The following SCARA5 variants were observed in gnomAD, a reference collection of about 807,000 sequenced individuals.
The protein encoded by SCARA5 is scavenger receptor class A, member 5 (putative).
In SCARA5, 45 loss-of-function variants were observed where a neutral mutation model predicts 46.3. That is an observed-to-expected ratio of 0.97 (90% CI 0.76 to 1.24). SCARA5 has a LOEUF of 1.24. Ranked by LOEUF, SCARA5 falls within the 50% of genes most tolerant of loss-of-function variation. The probability of loss-of-function intolerance (pLI) is 0.00; values close to 1 mark genes in which losing one functional copy is unlikely to be tolerated. For synonymous variants in SCARA5, 333 were observed against 306.5 expected (o/e 1.09, Z -0.90); for missense variants, 680 against 689.0 (o/e 0.99, Z 0.15).
chr8:27,919,236 G>C (rs1807542087), intron 4 of SCARA5, among the ~76,000 whole-genome samples: 1 of 57,694 alleles, frequency 1.7e-5, no homozygotes, highest in Non-Finnish European at 3.7e-5. Flanking sequence ...GGAGGAGGAA[G>C]AGACGGAGGA....
intron 4 of SCARA5, among the ~76,000 whole-genome samples, chr8:27,914,967 G>T (rs1312033817): frequency 6.6e-6 from 1 of 152,160 alleles, no homozygotes; most frequent in African/African-American, 2.4e-5. Flanking sequence ...GGACCTGTGT[G>T]GGCTGGAATC....
chr8:27,886,418 C>A (rs147780455), intron 7 of SCARA5, among the ~76,000 whole-genome samples: 1 of 152,332 alleles, frequency 6.6e-6, no homozygotes, highest in East Asian at 1.9e-4. Flanking sequence ...CCTTTTCTCC[C>A]CACCCAACAA....
At chr8:27,873,463 C>CGG (rs1179554719) in intron 8 of SCARA5, among the ~76,000 whole-genome samples, 3 of 152,114 alleles carry the variant, frequency 2.0e-5, no homozygotes, top group African/African-American at 7.2e-5. Context: ...TAAAAATGGC[C>CGG]GGTTCCTGCC....
intron 3 of SCARA5, among the ~76,000 whole-genome samples, chr8:27,922,470 C>G (rs928691586): frequency 6.6e-6 from 1 of 152,114 alleles, no homozygotes; most frequent in African/African-American, 2.4e-5. Flanking sequence ...AGGTGTCTCA[C>G]CTGCAGAAAT....
intron 8 of SCARA5, among the ~76,000 whole-genome samples, chr8:27,872,790 T>C (rs1806660908): frequency 6.6e-6 from 1 of 152,116 alleles, no homozygotes. Flanking sequence ...TAAAGAAGAC[T>C]AACAAATAAA....
intron 6 of SCARA5, among the ~76,000 whole-genome samples, chr8:27,905,765 C>G (rs2129754825): frequency 7.0e-6 from 1 of 142,182 alleles, no homozygotes; most frequent in South Asian, 2.2e-4. Context: ...GGCGGGAGTG[C>G]AGTGGTGCAA....
intron 7 of SCARA5, chr8:27,904,546 T>G (rs538379182): frequency 1.5e-4 from 93 of 600,320 alleles, no homozygotes; most frequent in Middle Eastern, 1.3e-3. Flanking sequence ...TCCAGATCCA[T>G]GCACACAACC....
chr8:27,951,174 G>T (rs967706714), intron 3 of SCARA5, among the ~76,000 whole-genome samples: 1 of 152,194 alleles, frequency 6.6e-6, no homozygotes, highest in Non-Finnish European at 1.5e-5. Flanking sequence ...TAAAATTTAG[G>T]CTAGTGAATG....
chr8:27,901,648 A>G (rs1013602284), intron 7 of SCARA5, among the ~76,000 whole-genome samples: 1 of 152,208 alleles, frequency 6.6e-6, no homozygotes, highest in African/African-American at 2.4e-5. Flanking sequence ...TGTTGTGGTC[A>G]GAGCAAGCTG....
intron 2 of SCARA5, among the ~76,000 whole-genome samples, chr8:27,967,143 C>A (rs1465403394): frequency 1.3e-5 from 2 of 152,214 alleles, no homozygotes; most frequent in Non-Finnish European, 2.9e-5. Flanking sequence ...AAACAAAACA[C>A]ATCTGTAAGC....
intron 3 of SCARA5, among the ~76,000 whole-genome samples, chr8:27,955,273 C>A (rs983923730): frequency 1.3e-5 from 2 of 152,202 alleles, no homozygotes; most frequent in Non-Finnish European, 2.9e-5. Context: ...TCATGCACCT[C>A]TTCCAGGGTT....
intron 3 of SCARA5, among the ~76,000 whole-genome samples, chr8:27,927,362 C>A (rs1033207612): frequency 6.6e-6 from 1 of 152,196 alleles, no homozygotes; most frequent in Non-Finnish European, 1.5e-5. Context: ...CTGTTCATTG[C>A]ACAACAAATA....
intron 4 of SCARA5, among the ~76,000 whole-genome samples, chr8:27,916,465 G>A (rs999691274): frequency 4.6e-5 from 7 of 152,262 alleles, no homozygotes; most frequent in East Asian, 3.9e-4. Context: ...GCAGGTATGC[G>A]TATATGTGTG....
chr8:27,987,192 G>A (rs1808717910), intron 2 of SCARA5, among the ~76,000 whole-genome samples: 1 of 152,210 alleles, frequency 6.6e-6, no homozygotes, highest in African/African-American at 2.4e-5. Flanking sequence ...CCTGACCCGA[G>A]TCTCACTCTC....
chr8:27,944,521 CT>C (rs2129880392), intron 3 of SCARA5, among the ~76,000 whole-genome samples: 1 of 152,112 alleles, frequency 6.6e-6, no homozygotes, highest in South Asian at 2.1e-4. Context: ...GTATATAGCA[CT>C]CTTTATAGCT....
intron 7 of SCARA5, among the ~76,000 whole-genome samples, chr8:27,882,129 C>T (rs1007974490): frequency 2.0e-5 from 3 of 152,176 alleles, no homozygotes; most frequent in African/African-American, 7.2e-5. Context: ...TGGAATCATA[C>T]AGTATGCAGC....
chr8:27,984,982 T>G (rs1025615127), intron 2 of SCARA5, among the ~76,000 whole-genome samples: 3 of 152,016 alleles, frequency 2.0e-5, no homozygotes, highest in South Asian at 2.1e-4. Flanking sequence ...CATCCATCTA[T>G]TCCCTTCATT....
At chr8:27,888,939 C>T (rs1297354874) in intron 7 of SCARA5, among the ~76,000 whole-genome samples, 3 of 152,150 alleles carry the variant, frequency 2.0e-5, no homozygotes, top group Non-Finnish European at 1.5e-5. Context: ...ATTGTTTCAC[C>T]CCACAACTTT....
chr8:27,957,907 T>C (rs1808230216), intron 3 of SCARA5, among the ~76,000 whole-genome samples: 1 of 152,196 alleles, frequency 6.6e-6, no homozygotes, highest in South Asian at 2.1e-4. Context: ...AAGGGCCAGG[T>C]AGTAAATATT....
Sources: gnomAD v4.1 joint callset for allele counts (sites outside exome capture counted in the v4.1 genomes callset) on GRCh38, gnomAD v4.1.1 for gene constraint, MANE v1.5 for transcripts, NCBI Gene and HGNC (gene_info 2026-07-23, HGNC 2026-07-21) for gene names.